TENM4: variants seen among roughly 807,000 people sequenced by gnomAD.
TENM4 encodes teneurin-4.
Under a neutral mutation model 243.3 loss-of-function variants are expected in TENM4, and 82 were observed. The ratio of observed to expected loss-of-function variants is 0.34; its 90% CI spans 0.28 to 0.40. The LOEUF (loss-of-function observed/expected upper bound fraction) is 0.40, where lower values mean the gene tolerates loss of function less well. TENM4 is among the 10% of genes least tolerant of loss of function. The pLI is 1.00. For missense variants in TENM4, 3,138 were observed against 3,673.3 expected, an observed-to-expected ratio of 0.85 and a Z score of 3.77; for synonymous variants, 1,412 against 1,456.3, an observed-to-expected ratio of 0.97 and a Z score of 0.69.
At chr11:78,963,158 T>C (rs975002549) in intron 6 of TENM4, among the ~76,000 whole-genome samples, 2 of 152,226 alleles carry the variant, frequency 1.3e-5, no homozygotes, top group Non-Finnish European at 2.9e-5. Context: ...GATTAGAACA[T>C]GCTATAATTT....
intron 4 of TENM4, among the ~76,000 whole-genome samples, chr11:79,115,664 C>G (rs1380055034): frequency 6.6e-6 from 1 of 152,172 alleles, no homozygotes; most frequent in Non-Finnish European, 1.5e-5. Flanking sequence ...TCTTAATGTT[C>G]CATGCTGGCC....
chr11:79,142,928 C>T (rs1273019913), intron 4 of TENM4, among the ~76,000 whole-genome samples: 1 of 152,000 alleles, frequency 6.6e-6, no homozygotes, highest in East Asian at 1.9e-4. Context: ...GAAAAAAATG[C>T]TCATCATCAC....
intron 21 of TENM4, among the ~76,000 whole-genome samples, chr11:78,729,944 A>G (rs540074389): frequency 6.6e-6 from 1 of 152,148 alleles, no homozygotes; most frequent in African/African-American, 2.4e-5. Context: ...TGCAGGAGTC[A>G]CCTCACCTCG....
chr11:79,415,280 G>C (rs1858788862), intron 1 of TENM4, among the ~76,000 whole-genome samples: 1 of 152,166 alleles, frequency 6.6e-6, no homozygotes, highest in Non-Finnish European at 1.5e-5. Context: ...AGAGCACTTT[G>C]GAAGCACTCA....
intron 9 of TENM4, among the ~76,000 whole-genome samples, chr11:78,880,404 G>A (rs1214408892): frequency 7.2e-6 from 1 of 138,096 alleles, no homozygotes; most frequent in African/African-American, 3.0e-5. Flanking sequence ...ATTATCCTAT[G>A]ACCCTGCCAC....
intron 6 of TENM4, among the ~76,000 whole-genome samples, chr11:78,989,987 C>T (rs1008906371): frequency 1.3e-5 from 2 of 151,688 alleles, no homozygotes; most frequent in Non-Finnish European, 2.9e-5. Flanking sequence ...TCACCTGAGC[C>T]CGGGGAAGTC....
intron 6 of TENM4, among the ~76,000 whole-genome samples, chr11:78,971,188 CA>C (rs1377700006): frequency 2.0e-5 from 3 of 151,940 alleles, no homozygotes; most frequent in Non-Finnish European, 4.4e-5. Context: ...GTTCTTTTTA[CA>C]CTTTTAAAGA....
At chr11:79,048,535 A>T (rs1859716062) in intron 6 of TENM4, among the ~76,000 whole-genome samples, 1 of 152,098 alleles carries the variant, frequency 6.6e-6, no homozygotes, top group Non-Finnish European at 1.5e-5. Flanking sequence ...CCCTCTACCG[A>T]GACCCTAATG....
At chr11:79,187,328 C>T (rs529587068) in intron 3 of TENM4, among the ~76,000 whole-genome samples, 13 of 152,304 alleles carry the variant, frequency 8.5e-5, no homozygotes, top group East Asian at 3.9e-4. Context: ...GTCAGGAAGA[C>T]GAGGCAACCA....
chr11:79,198,309 A>G (rs1863673909), intron 3 of TENM4, among the ~76,000 whole-genome samples: 1 of 152,104 alleles, frequency 6.6e-6, no homozygotes, highest in Non-Finnish European at 1.5e-5. Context: ...AATACAATCT[A>G]TGAGGACCAG....
At chr11:79,097,080 A>G (rs1038474933) in intron 4 of TENM4, 1 of 152,280 alleles carries the variant, frequency 6.6e-6, no homozygotes, top group Non-Finnish European at 1.5e-5. Context: ...AGTCCTCACA[A>G]CAAGCATTGA....
chr11:78,781,270 G>A (rs1856832766), intron 16 of TENM4, among the ~76,000 whole-genome samples: 1 of 152,190 alleles, frequency 6.6e-6, no homozygotes, highest in Admixed American at 6.5e-5. Flanking sequence ...GGTGGATTCA[G>A]GACTTCATCA....
intron 6 of TENM4, among the ~76,000 whole-genome samples, chr11:78,992,285 T>C (rs1265734059): frequency 6.6e-6 from 1 of 152,254 alleles, no homozygotes; most frequent in Non-Finnish European, 1.5e-5. Context: ...TTGTATTTTA[T>C]ACTTTGTCCA....
chr11:78,998,731 G>A (rs147896578), intron 6 of TENM4, among the ~76,000 whole-genome samples: 2,344 of 152,260 alleles, frequency 0.015, 23 homozygotes, highest in Non-Finnish European at 0.021. Flanking sequence ...CCCATGGCTG[G>A]TGGCATTGTC....
At chr11:78,872,697 G>A (rs1035862407) in intron 9 of TENM4, among the ~76,000 whole-genome samples, 1 of 152,218 alleles carries the variant, frequency 6.6e-6, no homozygotes, top group Non-Finnish European at 1.5e-5. Context: ...GTTGGTGCTT[G>A]GGAGCTCACA....
intron 6 of TENM4, among the ~76,000 whole-genome samples, chr11:79,034,286 C>T (rs1216959387): frequency 6.6e-6 from 1 of 152,220 alleles, no homozygotes; most frequent in Non-Finnish European, 1.5e-5. Flanking sequence ...GGTTGGACCA[C>T]TTCTGCATGT....
chr11:79,127,351 T>C (rs912593397), intron 4 of TENM4, among the ~76,000 whole-genome samples: 2 of 152,242 alleles, frequency 1.3e-5, no homozygotes, highest in Admixed American at 6.5e-5. Context: ...ATTTGGCCTG[T>C]GCAGAAGACA....
chr11:78,821,315 T>C (rs1385445358), intron 12 of TENM4, among the ~76,000 whole-genome samples: 1 of 152,238 alleles, frequency 6.6e-6, no homozygotes, highest in Non-Finnish European at 1.5e-5. Flanking sequence ...CCAAAGAGTC[T>C]TGTGATTGCT....
At chr11:78,826,871 G>T (rs1054106171) in intron 12 of TENM4, among the ~76,000 whole-genome samples, 2 of 152,118 alleles carry the variant, frequency 1.3e-5, no homozygotes, top group African/African-American at 4.8e-5. Context: ...CTCATTTAGG[G>T]CAGGCCCAGA....
Sources: gnomAD v4.1 joint callset for allele counts (sites outside exome capture counted in the v4.1 genomes callset) on GRCh38, gnomAD v4.1.1 for gene constraint, MANE v1.5 for transcripts, NCBI Gene and HGNC (gene_info 2026-07-23, HGNC 2026-07-21) for gene names.